GALM: variants seen among roughly 807,000 people sequenced by gnomAD.
GALM encodes the protein galactose mutarotase, also known as aldose 1-epimerase.
A neutral mutation model predicts 37.4 loss-of-function variants in GALM; 43 were observed. The observed-to-expected ratio is 1.15, with a 90% confidence interval of 0.90 to 1.48. GALM has a LOEUF of 1.48. Among genes scored for constraint, GALM ranks in the 40% most tolerant of loss-of-function variants. GALM has a pLI of 0.00. For synonymous variants in GALM, 199 were observed against 170.6 expected, an observed-to-expected ratio of 1.17 and a Z score of -1.30; for missense variants, 456 against 419.1, an observed-to-expected ratio of 1.09 and a Z score of -0.77.
At chr2:38,689,998 C>G in intron 4 of GALM, 104 bp downstream of exon 4, 1 of 654,514 alleles carries the variant, frequency 1.5e-6, no homozygotes, top group Non-Finnish European at 2.7e-6. Context: ...ATAAAGTCTA[C>G]AGTTTAGTTA....
chr2:38,720,485 C>T (rs1356398059), intron 4 of GALM, among the ~76,000 whole-genome samples: 2 of 150,858 alleles, frequency 1.3e-5, no homozygotes, highest in Non-Finnish European at 2.9e-5. Flanking sequence ...AAATTAGTCT[C>T]CTGTCAGAAT....
chr2:38,689,832 A>T lies in GALM; in HGVS notation c.572A>T (p.Asp191Val), dbSNP rs769427897. 2 of 1,607,990 alleles carry T rather than the reference A, an allele frequency of 1.2e-6. No individual in the cohort carries two copies. Among genetic ancestry groups the T allele is most frequent in the African/African-American group, 1.3e-5 (1 of 74,756 alleles). Residue 191 changes from aspartate (D) to valine (V), a missense_variant, in exon 4 of 7, where the codon GAC becomes GTC. Asp to Val is a radical substitution (Grantham distance 152). Coordinates refer to ENST00000272252, the MANE Select transcript of GALM (RefSeq NM_138801.3). Reference protein sequence around the residue: ...LAGQASPNINDHEVTIEADTY... With the variant: ...LAGQASPNINVHEVTIEADTY... ...TCCCAGGCTTCCCCAAATATAAATG[A>T]CCATGAAGTCACCATAGAAGCGGAT...
At chr2:38,686,326 C>T (rs376862281) in intron 3 of GALM, among the ~76,000 whole-genome samples, 7 of 136,824 alleles carry the variant, frequency 5.1e-5, no homozygotes, top group African/African-American at 1.3e-4. Flanking sequence ...AGTGCAGTGG[C>T]GCGATCTTGG....
At position 38,731,743 on chromosome 2, in the gene GALM, A is replaced by G; in HGVS notation, c.785A>G (p.His262Arg). The G allele has an allele frequency of 1.2e-6, 2 of 1,613,694 alleles. No homozygotes were observed. The highest frequency in any genetic ancestry group is 1.3e-5 in the African/African-American group (1 of 74,994). ...KEKHFCARVH[H>R]AASGRVLEVY... Reference sequence around the variant, plus strand: ...TTTGTATTTCTTACCAGGGTGCATCATGCTGCAAGCGGGCGGGTACTAGAA... The same window carrying G: ...TTTGTATTTCTTACCAGGGTGCATCGTGCTGCAAGCGGGCGGGTACTAGAA... Residue 262 changes from histidine (H) to arginine (R), a missense_variant, in exon 6 of 7, where the codon CAT becomes CGT. Physicochemically the swap from His to Arg is conservative, Grantham distance 29. Coordinates refer to ENST00000272252, the MANE Select transcript of GALM (RefSeq NM_138801.3).
Position 38,733,686 on chromosome 2 carries a change from T to C in GALM, c.*121T>C. Reference sequence around the variant, plus strand: ...CTATGGATTAAAATCATACAAATGGTGGCTGTTCTGAGAATCAGTCTGGGT... The same window carrying C: ...CTATGGATTAAAATCATACAAATGGCGGCTGTTCTGAGAATCAGTCTGGGT... On this transcript the variant is annotated 3_prime_UTR_variant, in exon 7 of 7. Transcript: ENST00000272252. The C allele has an allele frequency of 1.3e-6, 1 of 785,736 alleles. No individual in the cohort carries two copies. The highest frequency in any genetic ancestry group is 2.0e-5 in the Admixed American group (1 of 50,784). The allele number at this position is 785,736 out of a possible 1,614,324, so 48.7% of individuals were successfully genotyped here. A position where few individuals can be genotyped will look rare whatever the true frequency, so the allele number is the denominator to read the frequency against.
At chr2:38,671,668 G>T (rs1401965873) in intron 1 of GALM, among the ~76,000 whole-genome samples, 1 of 152,154 alleles carries the variant, frequency 6.6e-6, no homozygotes, top group Non-Finnish European at 1.5e-5. Context: ...GTTTTTCAGA[G>T]ACAGGATTTC....
Position 38,734,321 on chromosome 2 carries a change from G to A in GALM, c.*756G>A, listed in dbSNP as rs575916563. On this transcript the variant is annotated 3_prime_UTR_variant, in exon 7 of 7. Coordinates refer to ENST00000272252, the MANE Select transcript of GALM (RefSeq NM_138801.3). ...CAGGAGAATCGCTTGAACCTGGGAG[G>A]TGGAGGTTGCAGTGAGCCGAGATCA... The A allele has an allele frequency of 6.7e-6, 1 of 149,190 alleles. No individual in the cohort carries two copies. Among genetic ancestry groups the A allele is most frequent in the African/African-American group, 2.5e-5 (1 of 39,906 alleles). 9.2% of individuals were successfully genotyped at this position (149,190 alleles called of 1,614,324 possible).
chr2:38,702,019 C>T (rs1665931005), intron 4 of GALM, among the ~76,000 whole-genome samples: 1 of 152,112 alleles, frequency 6.6e-6, no homozygotes, highest in Non-Finnish European at 1.5e-5. Flanking sequence ...AATCTGTCTC[C>T]TCAGTATGTA....
At chr2:38,676,160 G>C in intron 2 of GALM, 94 bp downstream of exon 2, 1 of 1,261,432 alleles carries the variant, frequency 7.9e-7, no homozygotes, top group Non-Finnish European at 1.1e-6. Context: ...GAGCACATGA[G>C]TGGTGAGATG....
At chr2:38,681,106 G>C (rs1485514676) in intron 2 of GALM, among the ~76,000 whole-genome samples, 174 bp from the exon 3 acceptor site, 2 of 150,288 alleles carry the variant, frequency 1.3e-5, no homozygotes, top group Non-Finnish European at 2.9e-5. Flanking sequence ...CTGCAGCCTG[G>C]ACAACATAGT....
At chr2:38,726,036 T>C (rs1387018936) in intron 4 of GALM, among the ~76,000 whole-genome samples, 1 of 151,626 alleles carries the variant, frequency 6.6e-6, no homozygotes, top group Non-Finnish European at 1.5e-5. Context: ...CATGTAAACA[T>C]TGCAGGACAA....
At chr2:38,674,292 C>A (rs1016081301) in intron 1 of GALM, among the ~76,000 whole-genome samples, 1 of 151,012 alleles carries the variant, frequency 6.6e-6, no homozygotes, top group South Asian at 2.1e-4. Context: ...TGGGTTCAAG[C>A]GATTCTCCTG....
At chr2:38,726,005 C>A (rs1017742262) in intron 4 of GALM, among the ~76,000 whole-genome samples, 3 of 152,016 alleles carry the variant, frequency 2.0e-5, no homozygotes, top group African/African-American at 7.2e-5. Flanking sequence ...AGCCACCATG[C>A]AAGTCTGGGA....
rs191677611 is a variant in GALM, at chr2:38,727,151, G to T, written c.635-2405G>T. On this transcript the variant is annotated intron_variant, in intron 4 of 6. Coordinates refer to ENST00000272252, the MANE Select transcript of GALM (RefSeq NM_138801.3). ...GAATCACTTGAACCCAGGAGGCAGA[G>T]ATTGCAGTGAGCCAAGGTTGAGCCA... 1.7e-4 allele frequency among the ~76,000 whole-genome samples: 26 copies of T among 150,936 alleles called. No homozygotes were observed. The East Asian group carries it at 5.1e-3, about 30-fold the overall frequency.
chr2:38,671,518 C>G (rs1012103464), intron 1 of GALM: 1 of 152,160 alleles, frequency 6.6e-6, no homozygotes, highest in African/African-American at 2.4e-5. Flanking sequence ...ATCACAAGAA[C>G]AGCATGGGGG....
intron 4 of GALM, among the ~76,000 whole-genome samples, chr2:38,709,963 G>GCAGCTGGGCTGGAAGCA (rs1306181165): frequency 6.6e-6 from 1 of 152,160 alleles, no homozygotes; most frequent in Non-Finnish European, 1.5e-5. Flanking sequence ...CATAATTGGA[G>GCAGCTGGGCTGGAAGCA]CAGCTGGGCT....
intron 6 of GALM, among the ~76,000 whole-genome samples, chr2:38,733,230 A>G (rs886210350): frequency 3.8e-4 from 58 of 152,026 alleles, no homozygotes; most frequent in African/African-American, 9.6e-4. Context: ...CAAAAAAAAA[A>G]AAAAAAAGCC....
At chr2:38,724,132 T>A (rs1666438264) in intron 4 of GALM, among the ~76,000 whole-genome samples, 1 of 152,238 alleles carries the variant, frequency 6.6e-6, no homozygotes, top group Non-Finnish European at 1.5e-5. Context: ...TTGGCCAGAC[T>A]GGTCTTGAAC....
chr2:38,721,060 T>C (rs1666367701), intron 4 of GALM, among the ~76,000 whole-genome samples: 2 of 152,218 alleles, frequency 1.3e-5, no homozygotes, highest in Admixed American at 6.5e-5. Context: ...GGATCTAGAC[T>C]ACTGTGGCCA....
Sources: allele counts gnomAD v4.1 joint callset (sites outside exome capture counted in the v4.1 genomes callset), GRCh38; gene constraint gnomAD v4.1.1; transcripts MANE v1.5; gene names NCBI Gene and HGNC (gene_info 2026-07-23, HGNC 2026-07-21).